Variants in TRPM3 observed in about 807,000 individuals in gnomAD.
TRPM3 encodes the protein transient receptor potential cation channel subfamily M member 3.
In TRPM3, 77 loss-of-function variants were observed where a neutral mutation model predicts 181.2. The ratio of observed to expected loss-of-function variants is 0.42; its 90% CI spans 0.35 to 0.51. The LOEUF is 0.51. TRPM3 is among the 20% of genes least tolerant of loss of function. The pLI is 0.01. For missense variants in TRPM3, 1,759 were observed against 2,196.7 expected (o/e 0.80, Z 3.98); for synonymous variants, 745 against 796.4 (o/e 0.94, Z 1.09).
chr9:70,996,404 T>C (rs2097541599), intron 1 of TRPM3, among the ~76,000 whole-genome samples: 1 of 152,204 alleles, frequency 6.6e-6, no homozygotes. Context: ...GGTGTCACTA[T>C]GCCCATCTCT....
At chr9:70,920,981 G>T (rs2096647957) in intron 1 of TRPM3, among the ~76,000 whole-genome samples, 2 of 152,110 alleles carry the variant, frequency 1.3e-5, no homozygotes, top group Non-Finnish European at 2.9e-5. Context: ...TTTTCCTTTG[G>T]TGTCTATATA....
At chr9:71,089,545 G>A (rs866866526) in intron 1 of TRPM3, among the ~76,000 whole-genome samples, 2 of 150,942 alleles carry the variant, frequency 1.3e-5, no homozygotes, top group Non-Finnish European at 2.9e-5. Flanking sequence ...TTTGTCAGAT[G>A]TATAAAATAA....
At chr9:70,852,919 G>A (rs953218261) in intron 3 of TRPM3, among the ~76,000 whole-genome samples, 2 of 152,154 alleles carry the variant, frequency 1.3e-5, no homozygotes, top group African/African-American at 4.8e-5. Flanking sequence ...AGTTCAGGTT[G>A]ATGCAATATA....
intron 1 of TRPM3, among the ~76,000 whole-genome samples, chr9:71,080,346 C>A (rs550614144): frequency 6.6e-6 from 1 of 151,944 alleles, no homozygotes; most frequent in Non-Finnish European, 1.5e-5. Context: ...CTATAGCTTC[C>A]GTAAGCTCCC....
intron 1 of TRPM3, among the ~76,000 whole-genome samples, chr9:71,301,393 T>G (rs1332825971): frequency 6.6e-6 from 1 of 152,206 alleles, no homozygotes; most frequent in Non-Finnish European, 1.5e-5. Flanking sequence ...ATTACTCCTC[T>G]TCTTAATTCC....
chr9:71,296,991 T>TTTC (rs1554867153), intron 1 of TRPM3, among the ~76,000 whole-genome samples: 2 of 139,938 alleles, frequency 1.4e-5, no homozygotes, highest in African/African-American at 5.4e-5. Flanking sequence ...ATCTTTTCTT[T>TTTC]TTTTTTTTTT....
At position 70,598,555 on chromosome 9, in the gene TRPM3, C is replaced by T. The variant is rs1447088660; in HGVS notation, c.2912G>A (p.Arg971His). 3 of 1,614,148 alleles carry T rather than the reference C, an allele frequency of 1.9e-6. No homozygotes were observed. Among genetic ancestry groups the T allele is most frequent in the Admixed American group, 1.7e-5 (1 of 60,022 alleles). ...ACTCCTGAAGGGCTGGTCTTGGAGA[C>T]GAAGGATCATTCCGACAGAAAACAG... is the stretch of plus-strand genomic sequence containing the variant. ...ILLFSVGMIL[R>H]LQDQPFRSDG... Residue 971 changes from arginine (R) to histidine (H), a missense_variant, in exon 21 of 26, where the codon CGT (arginine) becomes CAT (histidine). Arg to His is a conservative substitution (Grantham distance 29). Around this residue, in one of 8 missense-constraint regions of TRPM3, gnomAD observed 100 missense variants for 123.0 expected, o/e 0.81. Transcript: ENST00000677713.
intron 6 of TRPM3, among the ~76,000 whole-genome samples, chr9:70,800,063 C>A (rs2088466550): frequency 6.6e-6 from 1 of 152,150 alleles, no homozygotes; most frequent in South Asian, 2.1e-4. Flanking sequence ...CAAAGTTGAG[C>A]CTCTGGTTCA....
chr9:71,357,078 A>G (rs2091929406), intron 1 of TRPM3, among the ~76,000 whole-genome samples: 1 of 152,206 alleles, frequency 6.6e-6, no homozygotes, highest in Non-Finnish European at 1.5e-5. Context: ...GTATAAACAG[A>G]GAGCCCACCT....
chr9:71,412,766 A>G (rs1399548530), intron 1 of TRPM3, among the ~76,000 whole-genome samples: 2 of 152,220 alleles, frequency 1.3e-5, no homozygotes, highest in African/African-American at 4.8e-5. Flanking sequence ...CCAAAGGATT[A>G]TAAAGCATGC....
intron 1 of TRPM3, among the ~76,000 whole-genome samples, chr9:71,149,730 T>G (rs2075625145): frequency 6.6e-6 from 1 of 152,026 alleles, no homozygotes; most frequent in South Asian, 2.1e-4. Context: ...TCCCAGAACT[T>G]TGGGAGGCTG....
intron 17 of TRPM3, among the ~76,000 whole-genome samples, chr9:70,618,205 C>T (rs2063086588): frequency 6.6e-6 from 1 of 152,176 alleles, no homozygotes. Flanking sequence ...ACATCTCTTT[C>T]ACAGTCCATT....
intron 6 of TRPM3, among the ~76,000 whole-genome samples, chr9:70,802,007 C>T (rs1250110606): frequency 6.6e-6 from 1 of 152,208 alleles, no homozygotes; most frequent in African/African-American, 2.4e-5. Context: ...CTGGACCCCA[C>T]CTCCAGAGCT....
chr9:70,638,472 A>C (rs2057557270), intron 11 of TRPM3, among the ~76,000 whole-genome samples: 1 of 152,194 alleles, frequency 6.6e-6, no homozygotes, highest in South Asian at 2.1e-4. Flanking sequence ...GAATGCTCTC[A>C]ATAACTTCAT....
At chr9:70,931,446 G>A (rs2096774237) in intron 1 of TRPM3, among the ~76,000 whole-genome samples, 1 of 152,058 alleles carries the variant, frequency 6.6e-6, no homozygotes, top group Non-Finnish European at 1.5e-5. Context: ...CTTGATGGCT[G>A]AAGTTGATTG....
chr9:71,102,405 T>C (rs1225248539), intron 1 of TRPM3, among the ~76,000 whole-genome samples: 1 of 152,246 alleles, frequency 6.6e-6, no homozygotes, highest in East Asian at 1.9e-4. Context: ...AATGTTAAAA[T>C]GTAAAAGTTC....
intron 8 of TRPM3, among the ~76,000 whole-genome samples, chr9:70,689,670 T>C (rs1564008044): frequency 6.6e-6 from 1 of 152,080 alleles, no homozygotes; most frequent in Admixed American, 6.6e-5. Context: ...TTTTGAGCCA[T>C]AGGCAGCACC....
chr9:70,839,651 T>C (rs2094522709), intron 5 of TRPM3, among the ~76,000 whole-genome samples: 1 of 152,164 alleles, frequency 6.6e-6, no homozygotes, highest in Non-Finnish European at 1.5e-5. Flanking sequence ...GGAGCCTTTC[T>C]TTTATCCTTG....
chr9:71,046,406 T>C (rs1199845514), intron 1 of TRPM3, among the ~76,000 whole-genome samples: 2 of 152,218 alleles, frequency 1.3e-5, no homozygotes, highest in African/African-American at 4.8e-5. Context: ...CAATATTTTG[T>C]GAACTTTTAA....
Sources: gnomAD v4.1 joint callset for allele counts (sites outside exome capture counted in the v4.1 genomes callset) on GRCh38, gnomAD v4.1.1 for gene constraint, gnomAD v4.1.1 regional missense constraint, MANE v1.5 for transcripts, NCBI Gene and HGNC (gene_info 2026-07-23, HGNC 2026-07-21) for gene names.